Variants in KCNQ1 observed in about 807,000 individuals in gnomAD.
The protein encoded by KCNQ1 is potassium voltage-gated channel subfamily Q member 1, also known as potassium voltage-gated channel subfamily KQT member 1.
KCNQ1 carries 49 observed loss-of-function variants against 72.4 expected under a neutral mutation model. That is an observed-to-expected ratio of 0.68 (90% CI 0.54 to 0.86). The LOEUF (loss-of-function observed/expected upper bound fraction) is 0.86. KCNQ1 is among the 40% of genes least tolerant of loss of function. The pLI is 0.00. For synonymous variants in KCNQ1, 450 were observed against 412.6 expected (o/e 1.09, Z -1.10); for missense variants, 790 against 945.1 (o/e 0.84, Z 2.15).
rs139142869 is a variant in KCNQ1, at chr11:2,664,226, G to A, written c.1514+2145G>A. 2.5e-6 allele frequency: 1 copy of A among 399,098 alleles called. No homozygotes were observed. Among genetic ancestry groups the A allele is most frequent in the African/African-American group, 2.1e-5 (1 of 48,780 alleles). 24.7% of individuals were successfully genotyped at this position (399,098 alleles called of 1,614,324 possible). A position where few individuals can be genotyped will look rare whatever the true frequency, so the allele number is the denominator to read the frequency against. ...AAGGAGCCCAGGCATGGGGCTTGGGGTGAGGGATCTGAAGAGGGGACTGGG... is the reference window on the plus strand; with the variant it reads ...AAGGAGCCCAGGCATGGGGCTTGGGATGAGGGATCTGAAGAGGGGACTGGG... On this transcript the variant is annotated intron_variant, in intron 11 of 15. Transcript: ENST00000155840. The surrounding 1 kb of genome is among the most constrained non-coding windows in gnomAD (Gnocchi z 5.1).
rs2133774718 is a variant in KCNQ1 at position 2,599,561 on chromosome 11, G to C, written c.1393+10707G>C. 6.6e-6 allele frequency among the ~76,000 whole-genome samples: 1 copy of C among 152,298 alleles called. No homozygotes were observed. The highest frequency in any genetic ancestry group is 2.4e-5 in the African/African-American group (1 of 41,582). On this transcript the variant is annotated intron_variant, in intron 10 of 15. Transcript: ENST00000155840. The surrounding 1 kb of genome is among the most constrained non-coding windows in gnomAD (Gnocchi z 4.7). ...CAGGATGTATTAGTTTGCTAGGACT[G>C]CCATAACAAAATACCACAGGCTGGG...
chr11:2,552,657 G>GTGGA (rs1848000479), intron 2 of KCNQ1, among the ~76,000 whole-genome samples: 1 of 152,058 alleles, frequency 6.6e-6, no homozygotes, highest in Non-Finnish European at 1.5e-5. Flanking sequence ...TCTCATACAC[G>GTGGA]TCTTAGTAAT....
intron 2 of KCNQ1, among the ~76,000 whole-genome samples, chr11:2,560,674 G>C (rs1264757031): frequency 6.6e-6 from 1 of 152,108 alleles, no homozygotes; most frequent in Non-Finnish European, 1.5e-5. Context: ...GCACCCACAA[G>C]GCAGGTGCCT....
intron 7 of KCNQ1, among the ~76,000 whole-genome samples, chr11:2,584,451 T>A (rs552453438): frequency 1.5e-4 from 22 of 150,958 alleles, no homozygotes; most frequent in African/African-American, 4.9e-4. Context: ...TAGTTTGTGT[T>A]TGTGTGTGTA....
At chr11:2,489,528 A>G (rs974813827) in intron 1 of KCNQ1, among the ~76,000 whole-genome samples, 2 of 142,628 alleles carry the variant, frequency 1.4e-5, no homozygotes, top group African/African-American at 5.7e-5. Flanking sequence ...GCTCAGAGCC[A>G]GTGGATGTGG....
At position 2,573,257 on chromosome 11, in the gene KCNQ1, G is replaced by A. The variant is rs184064559; in HGVS notation, c.921+271G>A. Among the ~76,000 whole-genome samples the A allele has an allele frequency of 1.3e-3, 194 of 152,306 alleles. 5 individuals carry two copies. The East Asian group carries it at 0.032, about 25-fold the overall frequency. ...GAGGGAAATCGGAGGGGTCACTGGA[G>A]CGTGTGTTGGGGGCTTAGCGGTTTC... On this transcript the variant is annotated intron_variant, in intron 6 of 15. Transcript: ENST00000155840.
rs1010077436 is a variant in KCNQ1 at position 2,497,072 on chromosome 11, A to C, written c.387-30856A>C. ...TGCACTTCTCTTTGTAGGTAACCTG[A>C]CCTTTCTCTCTGGCTGCCCTTAACG... On this transcript the variant is annotated intron_variant, in intron 1 of 15. Transcript: ENST00000155840. This position sits in a 1 kb window ranked among gnomAD's most constrained non-coding sequence, Gnocchi z 4.5. 1.3e-5 allele frequency among the ~76,000 whole-genome samples: 2 copies of C among 152,104 alleles called. No individual in the cohort carries two copies. The highest frequency in any genetic ancestry group is 4.2e-4 in the South Asian group (2 of 4,816).
Position 2,723,356 on chromosome 11 carries a change from C to G in KCNQ1, c.1515-45488C>G, listed in dbSNP as rs774956799. 2.0e-5 allele frequency among the ~76,000 whole-genome samples: 3 copies of G among 152,224 alleles called. No individual in the cohort carries two copies. Among genetic ancestry groups the G allele is most frequent in the Non-Finnish European group, 4.4e-5 (3 of 68,026 alleles). On this transcript the variant is annotated intron_variant, in intron 11 of 15. Coordinates refer to ENST00000155840, the MANE Select transcript of KCNQ1 (RefSeq NM_000218.3). The surrounding 1 kb of genome is among the most constrained non-coding windows in gnomAD (Gnocchi z 4.2). The stretch of plus-strand genomic sequence containing the variant: ...TGCAACCCTCAAGACTCCTAGCAAG[C>G]CCCTCCGTCTCAGAGCCTTGGTGTC...
chr11:2,675,771 G>C (rs1014128261), intron 11 of KCNQ1: 16 of 398,592 alleles, frequency 4.0e-5, no homozygotes, highest in Non-Finnish European at 2.2e-5. Flanking sequence ...AGCACTGTGT[G>C]CGGGGAGCTG....
chr11:2,477,029 G>A lies in KCNQ1; in HGVS notation c.386+31545G>A, dbSNP rs11523905. On this transcript the variant is annotated intron_variant, in intron 1 of 15. Transcript: ENST00000155840. This position sits in a 1 kb window ranked among gnomAD's most constrained non-coding sequence, Gnocchi z 5.0. ...CAGTACTTTGTAAAATTGTACTCCA[G>A]TGAATTTGAAAAATGTTGTGAGATG... 0.71 allele frequency among the ~76,000 whole-genome samples: 108,470 copies of A among 152,232 alleles called. 38,946 individuals are homozygous for A. The highest frequency in any genetic ancestry group is 0.75 in the African/African-American group (30,963 of 41,546).
At chr11:2,791,677 G>C (rs1847026105) in intron 15 of KCNQ1, among the ~76,000 whole-genome samples, 1 of 151,988 alleles carries the variant, frequency 6.6e-6, no homozygotes, top group Non-Finnish European at 1.5e-5. Context: ...GAGGTTGTGC[G>C]GGGGCTTGGC....
chr11:2,686,737 G>C (rs1467812073), intron 11 of KCNQ1: 1 of 398,514 alleles, frequency 2.5e-6, no homozygotes, highest in African/African-American at 2.1e-5. Context: ...TTCTACCCAG[G>C]ACCAGTAGCT....
intron 13 of KCNQ1, 115 bp from the exon 14 acceptor site, chr11:2,776,871 G>A (rs1407451334): frequency 9.8e-7 from 1 of 1,018,186 alleles, no homozygotes; most frequent in Admixed American, 1.9e-5. Flanking sequence ...TCCCCAGAGT[G>A]GGTGGACAGT....
At chr11:2,843,980 C>T (rs972729336) in intron 15 of KCNQ1, among the ~76,000 whole-genome samples, 1 of 152,216 alleles carries the variant, frequency 6.6e-6, no homozygotes, top group African/African-American at 2.4e-5. Context: ...GAACCGGCCC[C>T]AGTGCCTAGA....
intron 11 of KCNQ1, chr11:2,686,768 C>A: frequency 2.5e-6 from 1 of 398,662 alleles, no homozygotes; most frequent in Non-Finnish European, 4.4e-6. Flanking sequence ...AATGTGCATC[C>A]CCTGTGATAC....
chr11:2,776,547 T>TC (rs1450674221), intron 13 of KCNQ1, among the ~76,000 whole-genome samples: 5 of 152,160 alleles, frequency 3.3e-5, no homozygotes, highest in Admixed American at 3.3e-4. Flanking sequence ...AGCTAATGTG[T>TC]TCCCATGGAG....
In KCNQ1 at chr11:2,734,419, G is replaced by A. The variant is rs895109606; in HGVS notation, c.1515-34425G>A. On this transcript the variant is annotated intron_variant, in intron 11 of 15. Transcript: ENST00000155840. This position sits in a 1 kb window ranked among gnomAD's most constrained non-coding sequence, Gnocchi z 7.0. ...AGCCCCCCGGCCACCGCAGGTCGGG[G>A]GAGCACTGTCCCCGGGGCCCCGCAG... Among the ~76,000 whole-genome samples the A allele has an allele frequency of 6.6e-6, 1 of 152,354 alleles. No homozygotes were observed. Among genetic ancestry groups the A allele is most frequent in the Non-Finnish European group, 1.5e-5 (1 of 68,034 alleles).
At position 2,483,774 on chromosome 11, in the gene KCNQ1, T is replaced by C. The variant is rs1001758337; in HGVS notation, c.386+38290T>C. 1.3e-5 allele frequency among the ~76,000 whole-genome samples: 2 copies of C among 152,180 alleles called. No homozygotes were observed. Among genetic ancestry groups the C allele is most frequent in the African/African-American group, 4.8e-5 (2 of 41,438 alleles). On this transcript the variant is annotated intron_variant, in intron 1 of 15. Coordinates refer to ENST00000155840, the MANE Select transcript of KCNQ1 (RefSeq NM_000218.3). This position sits in a 1 kb window ranked among gnomAD's most constrained non-coding sequence, Gnocchi z 6.1. Reference sequence around the variant, plus strand: ...GAGGTCAGCATGTCTTAGGGCGGGTTCATTTGACCTTGACCACTCAGGTAG... The same window carrying C: ...GAGGTCAGCATGTCTTAGGGCGGGTCCATTTGACCTTGACCACTCAGGTAG...
chr11:2,846,504 C>T (rs1215957580), intron 15 of KCNQ1, among the ~76,000 whole-genome samples: 2 of 152,216 alleles, frequency 1.3e-5, no homozygotes, highest in East Asian at 3.8e-4. Flanking sequence ...ACCAACAGAG[C>T]TGTGCGCCCT....
Sources: allele counts gnomAD v4.1 joint callset (sites outside exome capture counted in the v4.1 genomes callset), GRCh38; gene constraint gnomAD v4.1.1; non-coding constraint Gnocchi (gnomAD v3.1); transcripts MANE v1.5; gene names NCBI Gene and HGNC (gene_info 2026-07-23, HGNC 2026-07-21).